The following PDE4D variants were observed in gnomAD, a reference collection of about 807,000 sequenced individuals.
PDE4D encodes the protein 3',5'-cyclic-AMP phosphodiesterase 4D.
PDE4D carries 24 observed loss-of-function variants against 87.4 expected under a neutral mutation model. The observed-to-expected ratio is 0.27, with a 90% CI of 0.20 to 0.39. PDE4D has a LOEUF of 0.39. Ranked by LOEUF, PDE4D falls within the 10% of genes least tolerant of loss-of-function variation. The pLI is 1.00. For missense variants in PDE4D, 714 were observed against 1,041.0 expected (o/e 0.69, Z 4.32); for synonymous variants, 384 against 383.2 (o/e 1.00, Z -0.02).
At position 59,916,789 on chromosome 5, in the gene PDE4D, C is replaced by CT. The variant is rs1289359770; in HGVS notation, c.272+71698dup. Among the ~76,000 whole-genome samples, 304 of 147,202 alleles carry CT rather than the reference C, an allele frequency of 2.1e-3. 9 individuals are homozygous for CT. In the East Asian group the frequency reaches 0.052, roughly 25 times the overall value. The stretch of plus-strand genomic sequence containing the variant: ...CAAATCTATAAAACTACATAGATTC[C>CT]TTTTTTTTTTCTTTTTGAGACAGAG... On this transcript the variant is annotated intron_variant, in intron 3 of 16. Coordinates refer to the PDE4D transcript ENST00000502484.
At chr5:59,604,975 G>T (rs1161158523) in intron 1 of PDE4D, among the ~76,000 whole-genome samples, 2 of 151,860 alleles carry the variant, frequency 1.3e-5, no homozygotes, top group East Asian at 3.9e-4. Flanking sequence ...CATTCATTTT[G>T]GCACTGTTTA....
intron 5 of PDE4D, among the ~76,000 whole-genome samples, chr5:59,071,860 T>A (rs1284769133): frequency 6.6e-6 from 1 of 151,892 alleles, no homozygotes; most frequent in Non-Finnish European, 1.5e-5. Flanking sequence ...CTAATTTTTT[T>A]ATATTTTTAG....
intron 2 of PDE4D, among the ~76,000 whole-genome samples, chr5:60,104,644 A>G (rs11743973): frequency 0.15 from 22,377 of 152,112 alleles, 1,701 homozygotes; most frequent in Middle Eastern, 0.23. Flanking sequence ...ACACACGGCC[A>G]AGTACTCCTC....
chr5:60,161,815 A>C (rs1431103690), intron 2 of PDE4D, among the ~76,000 whole-genome samples: 3 of 152,192 alleles, frequency 2.0e-5, no homozygotes, highest in African/African-American at 7.2e-5. Context: ...TTCTCATTCT[A>C]TTTAGCATTA....
At chr5:58,991,147 TG>T (rs1165578576) in intron 8 of PDE4D, among the ~76,000 whole-genome samples, 1 of 152,018 alleles carries the variant, frequency 6.6e-6, no homozygotes, top group Non-Finnish European at 1.5e-5. Flanking sequence ...TCAGGTGTGG[TG>T]GTGTGTGCCT....
intron 1 of PDE4D, among the ~76,000 whole-genome samples, chr5:59,330,231 C>T (rs1326383289): frequency 6.6e-6 from 1 of 152,168 alleles, no homozygotes; most frequent in East Asian, 1.9e-4. Context: ...ATTTGGTAAA[C>T]TCATCTAAAT....
At chr5:59,726,625 T>C (rs1264141384) in intron 1 of PDE4D, among the ~76,000 whole-genome samples, 1 of 152,114 alleles carries the variant, frequency 6.6e-6, no homozygotes, top group Non-Finnish European at 1.5e-5. Context: ...GTGTAAGTTA[T>C]CCAGATTATA....
chr5:59,609,311 A>C (rs962195756), intron 1 of PDE4D, among the ~76,000 whole-genome samples: 1 of 151,576 alleles, frequency 6.6e-6, no homozygotes, highest in Non-Finnish European at 1.5e-5. Flanking sequence ...AGGCATGGTA[A>C]CCTTACTTTG....
At chr5:59,374,543 C>T (rs753283249) in intron 1 of PDE4D, among the ~76,000 whole-genome samples, 23 of 152,232 alleles carry the variant, frequency 1.5e-4, no homozygotes, top group Non-Finnish European at 2.9e-4. Flanking sequence ...TTCTTAGAGA[C>T]CTCCAAAGAG....
intron 2 of PDE4D, among the ~76,000 whole-genome samples, chr5:59,990,296 T>G (rs901726893): frequency 1.5e-4 from 23 of 152,182 alleles, no homozygotes; most frequent in African/African-American, 5.6e-4. Context: ...GCAAAGAGTT[T>G]GCACTCAACA....
intron 5 of PDE4D, among the ~76,000 whole-genome samples, chr5:59,123,832 G>A (rs1328845465): frequency 6.6e-6 from 1 of 152,198 alleles, no homozygotes; most frequent in Non-Finnish European, 1.5e-5. Flanking sequence ...CTGTGAAAGT[G>A]AGAAAGACTG....
chr5:59,910,687 G>A (rs1753345694), intron 3 of PDE4D, among the ~76,000 whole-genome samples: 1 of 152,156 alleles, frequency 6.6e-6, no homozygotes, highest in Non-Finnish European at 1.5e-5. Context: ...ACAACAAACA[G>A]ATGCTTGTAA....
At chr5:59,108,967 G>GTA (rs1326989436) in intron 5 of PDE4D, among the ~76,000 whole-genome samples, 1 of 147,380 alleles carries the variant, frequency 6.8e-6, no homozygotes, top group Non-Finnish European at 1.5e-5. Flanking sequence ...GTGTGTGTGT[G>GTA]TGTGTGTGTG....
At chr5:60,200,155 C>T (rs1741741337) in intron 1 of PDE4D, among the ~76,000 whole-genome samples, 1 of 151,618 alleles carries the variant, frequency 6.6e-6, no homozygotes, top group South Asian at 2.1e-4. Context: ...ATGTTCTAAT[C>T]ACTTAAAATA....
At chr5:59,156,331 A>ATATATATATATGTGTG (rs1384479557) in intron 5 of PDE4D, among the ~76,000 whole-genome samples, 52 of 122,748 alleles carry the variant, frequency 4.2e-4, no homozygotes, top group African/African-American at 1.5e-3. Context: ...ATATATATAT[A>ATATATATATATGTGTG]TGTGTGTGTG....
intron 1 of PDE4D, among the ~76,000 whole-genome samples, chr5:59,290,021 AAC>A (rs1210676968): frequency 6.6e-6 from 1 of 151,906 alleles, no homozygotes; most frequent in Non-Finnish European, 1.5e-5. Context: ...AAAAAAAGAG[AAC>A]ACAAAAAAAT....
At chr5:59,640,354 A>C (rs927151223) in intron 1 of PDE4D, among the ~76,000 whole-genome samples, 1 of 152,170 alleles carries the variant, frequency 6.6e-6, no homozygotes, top group African/African-American at 2.4e-5. Flanking sequence ...CTCACCCTTC[A>C]GCTAGCTGCA....
chr5:59,779,435 G>A (rs1030270677), intron 1 of PDE4D, among the ~76,000 whole-genome samples: 2 of 152,078 alleles, frequency 1.3e-5, no homozygotes, highest in Admixed American at 1.3e-4. Flanking sequence ...AATGAGGCTC[G>A]TAGAAATGAG....
At chr5:60,097,878 G>A (rs533274969) in intron 2 of PDE4D, among the ~76,000 whole-genome samples, 1 of 152,036 alleles carries the variant, frequency 6.6e-6, no homozygotes, top group African/African-American at 2.4e-5. Flanking sequence ...ATATTTACCT[G>A]CTCCTGTAGG....
Sources: allele counts gnomAD v4.1 joint callset (sites outside exome capture counted in the v4.1 genomes callset), GRCh38; gene constraint gnomAD v4.1.1; transcripts MANE v1.5; gene names NCBI Gene and HGNC (gene_info 2026-07-23, HGNC 2026-07-21).